TEAD4: variants seen among roughly 807,000 people sequenced by gnomAD.
The protein encoded by TEAD4 is transcriptional enhancer factor TEF-3.
In TEAD4, 36 loss-of-function variants were observed where a neutral mutation model predicts 52.4. The ratio of observed to expected loss-of-function variants is 0.69; its 90% confidence interval spans 0.53 to 0.91. TEAD4 has a LOEUF of 0.91. Among genes scored for constraint, TEAD4 ranks in the 40% least tolerant of loss-of-function variants. The probability of loss-of-function intolerance (pLI) is 0.00; values close to 1 mark genes in which losing one functional copy is unlikely to be tolerated. For missense variants in TEAD4, 508 were observed against 583.9 expected (o/e 0.87, Z 1.34); for synonymous variants, 220 against 231.0 (o/e 0.95, Z 0.43).
chr12:3,032,882 CTT>C (rs780712999), intron 10 of TEAD4, among the ~76,000 whole-genome samples: 111 of 152,226 alleles, frequency 7.3e-4, no homozygotes, highest in Non-Finnish European at 1.4e-3. Flanking sequence ...GACAATGAGA[CTT>C]TGCGTCAATC....
chr12:2,973,390 G>C (rs570640883), intron 2 of TEAD4, among the ~76,000 whole-genome samples: 1 of 152,292 alleles, frequency 6.6e-6, no homozygotes, highest in East Asian at 1.9e-4. Context: ...TCATATTCTG[G>C]ATACAGGTTC....
chr12:3,001,726 G>A (rs1164077019), intron 3 of TEAD4, among the ~76,000 whole-genome samples: 2 of 151,472 alleles, frequency 1.3e-5, no homozygotes, highest in Non-Finnish European at 2.9e-5. Context: ...TCAGTGAGCC[G>A]AGATCATGCC....
chr12:3,035,831 AAAAAAAAG>A (rs1007300579), intron 10 of TEAD4, among the ~76,000 whole-genome samples: 18 of 150,620 alleles, frequency 1.2e-4, no homozygotes, highest in Non-Finnish European at 2.7e-4. Context: ...AACAAAAAAA[AAAAAAAAG>A]AAGAAGAAGA....
At chr12:3,018,973 G>C (rs2098266629) in intron 7 of TEAD4, 142 bp from the exon 8 acceptor site, 2 of 1,002,934 alleles carry the variant, frequency 2.0e-6, no homozygotes, top group Non-Finnish European at 3.0e-6. Flanking sequence ...GTCGGCAGGG[G>C]CGGGAGTAGG....
intron 2 of TEAD4, among the ~76,000 whole-genome samples, chr12:2,992,180 G>A (rs1238874613): frequency 3.3e-5 from 5 of 151,908 alleles, no homozygotes; most frequent in Non-Finnish European, 5.9e-5. Context: ...CACCATGCCC[G>A]GCTAATTTTT....
chr12:2,975,275 A>G (rs1402250061), intron 2 of TEAD4, among the ~76,000 whole-genome samples: 1 of 151,608 alleles, frequency 6.6e-6, no homozygotes. Context: ...CCCCGCCCCC[A>G]GTCAGTTTCT....
At chr12:3,035,409 A>G (rs1221431957) in intron 10 of TEAD4, among the ~76,000 whole-genome samples, 1 of 152,142 alleles carries the variant, frequency 6.6e-6, no homozygotes, top group Non-Finnish European at 1.5e-5. Context: ...CATTGTTCAC[A>G]TTTTTGCCCT....
chr12:3,003,083 G>A (rs1251619877), intron 3 of TEAD4, among the ~76,000 whole-genome samples: 1 of 152,118 alleles, frequency 6.6e-6, no homozygotes, highest in African/African-American at 2.4e-5. Context: ...TTAGGGTGGG[G>A]CAGCAAGGAT....
intron 2 of TEAD4, among the ~76,000 whole-genome samples, chr12:2,988,792 A>G (rs991885512): frequency 6.6e-6 from 1 of 152,124 alleles, no homozygotes; most frequent in Non-Finnish European, 1.5e-5. Flanking sequence ...AGTCATGCCT[A>G]TGTAATGAAG....
intron 2 of TEAD4, among the ~76,000 whole-genome samples, chr12:2,992,430 T>C (rs1183886904): frequency 6.6e-6 from 1 of 152,148 alleles, no homozygotes; most frequent in African/African-American, 2.4e-5. Flanking sequence ...CTCCCACACT[T>C]AGCCCCTCCC....
At chr12:2,996,113 A>G (rs2098246909) in intron 3 of TEAD4, among the ~76,000 whole-genome samples, 3 of 152,130 alleles carry the variant, frequency 2.0e-5, no homozygotes, top group Admixed American at 2.0e-4. Context: ...CCTAGCTCAA[A>G]ACAGTGGTCT....
intron 3 of TEAD4, among the ~76,000 whole-genome samples, chr12:3,000,458 C>G (rs1181184862): frequency 6.6e-6 from 1 of 152,120 alleles, no homozygotes; most frequent in Non-Finnish European, 1.5e-5. Context: ...TGTGCTTGTT[C>G]AGGCCTTTTC....
At chr12:2,960,255 G>C (rs931727467) in intron 2 of TEAD4, 1 of 982,268 alleles carries the variant, frequency 1.0e-6, no homozygotes, top group Non-Finnish European at 1.2e-6. Context: ...GGAAAGGACC[G>C]GAGAGGCAGA....
At chr12:2,960,653 C>A (rs2098214533) in intron 2 of TEAD4, among the ~76,000 whole-genome samples, 2 of 152,150 alleles carry the variant, frequency 1.3e-5, no homozygotes, top group South Asian at 4.1e-4. Flanking sequence ...ACCTTGGCTT[C>A]CAGTGGGCGT....
intron 2 of TEAD4, among the ~76,000 whole-genome samples, chr12:2,971,283 G>C (rs1415890439): frequency 6.6e-6 from 1 of 152,114 alleles, no homozygotes; most frequent in Non-Finnish European, 1.5e-5. Context: ...GGCTTTGAGA[G>C]TGGGTGGGGT....
At position 2,966,553 on chromosome 12, in the gene TEAD4, A is replaced by G. The variant is rs574814225; in HGVS notation, c.-30+6513A>G. Among the ~76,000 whole-genome samples, 31 of 141,938 alleles carry G rather than the reference A, an allele frequency of 2.2e-4. 2 individuals carry two copies. The South Asian group carries it at 4.1e-3, about 19-fold the overall frequency. The allele number at this position is 141,938 out of a possible 152,430, so 93.1% of individuals were successfully genotyped here. On this transcript the variant is annotated intron_variant, in intron 2 of 12. Coordinates refer to ENST00000359864, the MANE Select transcript of TEAD4 (RefSeq NM_003213.4). ...AGCCTCCCAAGTAGCTGGGATTACA[A>G]GCACACGCCACCATGCCCAGCTAAT...
intron 3 of TEAD4, among the ~76,000 whole-genome samples, chr12:3,004,343 G>A (rs112336823): frequency 2.0e-5 from 3 of 152,214 alleles, no homozygotes; most frequent in Non-Finnish European, 4.4e-5. Flanking sequence ...TTCTCGTGGT[G>A]CCTGGGACAC....
At chr12:2,987,058 A>G (rs1351528009) in intron 2 of TEAD4, among the ~76,000 whole-genome samples, 1 of 152,190 alleles carries the variant, frequency 6.6e-6, no homozygotes, top group Admixed American at 6.5e-5. Context: ...GGAACAGGAT[A>G]TGGGGACAAG....
chr12:2,964,473 T>C (rs77128573), intron 2 of TEAD4, among the ~76,000 whole-genome samples: 4 of 151,642 alleles, frequency 2.6e-5, no homozygotes, highest in African/African-American at 9.7e-5. Flanking sequence ...TTTTTTTTTT[T>C]TGAGACGGAG....
Sources: gnomAD v4.1 joint callset for allele counts (sites outside exome capture counted in the v4.1 genomes callset) on GRCh38, gnomAD v4.1.1 for gene constraint, MANE v1.5 for transcripts, NCBI Gene and HGNC (gene_info 2026-07-23, HGNC 2026-07-21) for gene names.